The following CDK13 variants were observed in gnomAD, a reference collection of about 807,000 sequenced individuals.
The protein encoded by CDK13 is cyclin dependent kinase 13.
CDK13 carries 40 observed loss-of-function variants against 137.6 expected under a neutral mutation model. The observed-to-expected ratio is 0.29, with a 90% confidence interval of 0.23 to 0.38. CDK13 has a LOEUF of 0.38. CDK13 is among the 10% of genes least tolerant of loss of function. CDK13 has a pLI of 1.00. For missense variants in CDK13, 1,704 were observed against 1,951.8 expected, an observed-to-expected ratio of 0.87 and a Z score of 2.39; for synonymous variants, 869 against 760.1, an observed-to-expected ratio of 1.14 and a Z score of -2.36.
At chr7:40,037,900 A>G (rs896043254) in intron 5 of CDK13, among the ~76,000 whole-genome samples, 4 of 152,206 alleles carry the variant, frequency 2.6e-5, no homozygotes, top group Non-Finnish European at 4.4e-5. Context: ...AGCTGTATAT[A>G]GTCAGTATAC....
intron 4 of CDK13, among the ~76,000 whole-genome samples, chr7:40,001,541 T>G (rs1321585722): frequency 6.6e-6 from 1 of 152,136 alleles, no homozygotes; most frequent in Non-Finnish European, 1.5e-5. Flanking sequence ...TCTTTTTATT[T>G]TTTCCCAAGT....
intron 5 of CDK13, among the ~76,000 whole-genome samples, chr7:40,022,350 AT>A (rs1216039445): frequency 6.6e-6 from 1 of 152,142 alleles, no homozygotes; most frequent in African/African-American, 2.4e-5. Flanking sequence ...CCTACCACTG[AT>A]ACTAACGAGA....
At chr7:40,008,713 G>A (rs1784841126) in intron 5 of CDK13, among the ~76,000 whole-genome samples, 1 of 152,078 alleles carries the variant, frequency 6.6e-6, no homozygotes, top group Non-Finnish European at 1.5e-5. Context: ...AAATGAACTT[G>A]CAGGGTTTTT....
chr7:40,022,097 T>C (rs1172702467), intron 5 of CDK13, among the ~76,000 whole-genome samples: 1 of 152,192 alleles, frequency 6.6e-6, no homozygotes, highest in African/African-American at 2.4e-5. Context: ...AAATTTGGAA[T>C]GGAAAAGAGC....
At chr7:40,086,863 A>T (rs1422262733) in intron 11 of CDK13, among the ~76,000 whole-genome samples, 2 of 143,760 alleles carry the variant, frequency 1.4e-5, no homozygotes, top group Non-Finnish European at 3.0e-5. Context: ...CCCAGGCCAG[A>T]GTGCAGTGGC....
At chr7:39,980,433 A>T (rs567310220) in intron 1 of CDK13, among the ~76,000 whole-genome samples, 2 of 152,352 alleles carry the variant, frequency 1.3e-5, no homozygotes, top group African/African-American at 4.8e-5. Context: ...CATATAGTTA[A>T]TAGAGCTGTT....
intron 1 of CDK13, among the ~76,000 whole-genome samples, chr7:39,959,796 TA>T (rs939408552): frequency 2.0e-5 from 3 of 148,050 alleles, no homozygotes; most frequent in Admixed American, 6.8e-5. Flanking sequence ...TTTTTTTTTT[TA>T]AATTAACTTG....
chr7:40,079,094 C>T (rs1786608393), intron 11 of CDK13, among the ~76,000 whole-genome samples: 2 of 151,862 alleles, frequency 1.3e-5, no homozygotes, highest in Non-Finnish European at 2.9e-5. Context: ...CTTGATTGAC[C>T]TCAAGATTTA....
chr7:40,068,532 A>G (rs7797841), intron 9 of CDK13, among the ~76,000 whole-genome samples: 6,020 of 151,694 alleles, frequency 0.04, 353 homozygotes, highest in African/African-American at 0.13. Flanking sequence ...TGTCTCTACT[A>G]AAAATACAAA....
chr7:40,074,580 G>C (rs1786500848), intron 9 of CDK13, among the ~76,000 whole-genome samples: 2 of 151,886 alleles, frequency 1.3e-5, no homozygotes, highest in South Asian at 4.2e-4. Flanking sequence ...TTTAAGGCTG[G>C]GCTCAGTGGC....
chr7:40,027,770 C>T (rs1237219221), intron 5 of CDK13, among the ~76,000 whole-genome samples: 2 of 150,804 alleles, frequency 1.3e-5, no homozygotes, highest in Non-Finnish European at 2.9e-5. Flanking sequence ...CAGTTGGAGC[C>T]TTACAGTTCT....
intron 5 of CDK13, among the ~76,000 whole-genome samples, chr7:40,045,330 C>T (rs972059892): frequency 4.0e-5 from 6 of 151,716 alleles, no homozygotes; most frequent in Non-Finnish European, 8.8e-5. Flanking sequence ...TGTTTTTCCT[C>T]AAATTCTTGC....
chr7:40,042,490 T>C (rs1785632191), intron 5 of CDK13, among the ~76,000 whole-genome samples: 1 of 140,764 alleles, frequency 7.1e-6, no homozygotes, highest in African/African-American at 2.6e-5. Flanking sequence ...TTTTTTTTTT[T>C]TTTTTTTTTG....
intron 2 of CDK13, among the ~76,000 whole-genome samples, chr7:39,993,528 GAGAT>G (rs1211683739): frequency 6.6e-6 from 1 of 152,070 alleles, no homozygotes; most frequent in Non-Finnish European, 1.5e-5. Flanking sequence ...ACAAAATCAT[GAGAT>G]AGATGGTAAT....
intron 2 of CDK13, among the ~76,000 whole-genome samples, chr7:39,996,923 C>A (rs1784571533): frequency 7.6e-6 from 1 of 132,398 alleles, no homozygotes; most frequent in Admixed American, 8.6e-5. Flanking sequence ...AGGATCTTGC[C>A]ACTGCACTCC....
In CDK13 at chr7:40,034,190, TC is replaced by T. The variant is rs754087013; in HGVS notation, c.2354-11644del. On this transcript the variant is annotated intron_variant, in intron 5 of 13. Transcript: ENST00000181839. ...AATTAAAACTTGTTCACACTGAACC[TC>T]CAGCTTGGTTTAGGCTTTCCTACCT... Among the ~76,000 whole-genome samples, 141 of 152,312 alleles carry T rather than the reference TC, an allele frequency of 9.3e-4. 2 individuals are homozygous for T. Among genetic ancestry groups the T allele is most frequent in the Non-Finnish European group, 1.4e-3 (94 of 68,028 alleles).
chr7:40,062,702 T>G, intron 7 of CDK13, 124 bp from the exon 8 acceptor site: 1 of 717,312 alleles, frequency 1.4e-6, no homozygotes, highest in Non-Finnish European at 2.4e-6. Context: ...TATTTTTTAG[T>G]AGGCAGATGA....
rs569065700 is a variant in CDK13, at chr7:39,992,321, C to T, written c.1871+4063C>T. Among the ~76,000 whole-genome samples, 13 of 152,054 alleles carry T rather than the reference C, an allele frequency of 8.5e-5. 1 individual carries two copies. In the South Asian group the frequency reaches 2.3e-3, roughly 27 times the overall value. On this transcript the variant is annotated intron_variant, in intron 2 of 13. Coordinates refer to ENST00000181839, the MANE Select transcript of CDK13 (RefSeq NM_003718.5). ...CAAGCAGTTCCCCTGCCTCAGCTTC[C>T]GGAGTAGCTGGGGTTACAGGCGCAC...
At chr7:39,967,754 T>A (rs1400901751) in intron 1 of CDK13, among the ~76,000 whole-genome samples, 3 of 152,212 alleles carry the variant, frequency 2.0e-5, no homozygotes, top group Non-Finnish European at 4.4e-5. Flanking sequence ...ACACTTGTTA[T>A]CTTTCATTTT....
Sources: allele counts gnomAD v4.1 joint callset (sites outside exome capture counted in the v4.1 genomes callset), GRCh38; gene constraint gnomAD v4.1.1; transcripts MANE v1.5; gene names NCBI Gene and HGNC (gene_info 2026-07-23, HGNC 2026-07-21).